Variants in ADAM20 observed in about 807,000 individuals in gnomAD.
ADAM20 encodes the protein ADAM metallopeptidase domain 20, also known as disintegrin and metalloproteinase domain-containing protein 20.
For missense variants in ADAM20, 871 were observed against 883.2 expected (o/e 0.99, Z 0.18); for synonymous variants, 305 against 310.2 (o/e 0.98, Z 0.18).
the ADAM20 span, among the ~76,000 whole-genome samples, chr14:70,541,522 A>T: frequency 5.3e-5 from 8 of 152,196 alleles, no homozygotes; most frequent in Admixed American, 3.3e-4. Flanking sequence ...ATACAGGGTT[A>T]AAAAAAGGTC....
At chr14:70,561,236 A>ACAT in the ADAM20 span, among the ~76,000 whole-genome samples, 1 of 152,228 alleles carries the variant, frequency 6.6e-6, no homozygotes, top group African/African-American at 2.4e-5. Context: ...CTAGAAATCT[A>ACAT]TGTAACTTTG....
rs776821049 is a variant in ADAM20 at position 70,523,924 on chromosome 14, G to A, written c.834C>T (p.Asp278=). 2 of 1,613,974 alleles carry A rather than the reference G, an allele frequency of 1.2e-6. No homozygotes were observed. Among genetic ancestry groups the A allele is most frequent in the South Asian group, 2.2e-5 (2 of 91,078 alleles). The change falls in exon 2 of 2, where the codon GAC becomes GAT. Residue 278 remains aspartate (D), a synonymous_variant. Transcript: ENST00000256389. The part of the protein sequence containing the change: ...TSGDLDNVLE[D]FSIWKNYNLN... ...GGTTATAATTCTTCCAAATAGAAAA[G>A]TCCTCTAAAACATTATCTAGGTCTC...
At chr14:70,532,673 T>C (rs971412747) in intron 1 of ADAM20, among the ~76,000 whole-genome samples, 2 of 152,142 alleles carry the variant, frequency 1.3e-5, no homozygotes, top group African/African-American at 4.8e-5. Context: ...ATAGCTATAC[T>C]TAACTATATT....
chr14:70,539,724 T>G (rs1009865263), upstream of ADAM20, among the ~76,000 whole-genome samples: 34 of 152,254 alleles, frequency 2.2e-4, no homozygotes, highest in Non-Finnish European at 5.0e-4. Context: ...TTGTAAATTC[T>G]TATCTCTGTA....
At chr14:70,564,673 A>G in the ADAM20 span, among the ~76,000 whole-genome samples, 1 of 151,930 alleles carries the variant, frequency 6.6e-6, no homozygotes, top group Non-Finnish European at 1.5e-5. Flanking sequence ...TTGATAGACA[A>G]TTAAATTAAA....
the ADAM20 span, among the ~76,000 whole-genome samples, chr14:70,546,798 AAC>A: frequency 6.6e-6 from 1 of 152,208 alleles, no homozygotes; most frequent in Non-Finnish European, 1.5e-5. Context: ...AAGAAAAAAT[AAC>A]AAAGATCAGA....
the ADAM20 span, among the ~76,000 whole-genome samples, chr14:70,569,987 C>T: frequency 2.7e-5 from 4 of 150,822 alleles, no homozygotes; most frequent in East Asian, 3.9e-4. Context: ...ACCCAAGAAC[C>T]GCAAATACCC....
At chr14:70,526,795 T>TA (rs1323576960) in intron 1 of ADAM20, among the ~76,000 whole-genome samples, 1 of 152,152 alleles carries the variant, frequency 6.6e-6, no homozygotes, top group African/African-American at 2.4e-5. Flanking sequence ...TCTGCATCAG[T>TA]AATTAACTCT....
the ADAM20 span, among the ~76,000 whole-genome samples, chr14:70,555,291 AATG>A: frequency 6.6e-6 from 1 of 152,222 alleles, no homozygotes; most frequent in African/African-American, 2.4e-5. Context: ...AAAGAAATGA[AATG>A]ATAACTGTGT....
At chr14:70,530,802 A>G (rs761205327) in intron 1 of ADAM20, among the ~76,000 whole-genome samples, 1 of 152,180 alleles carries the variant, frequency 6.6e-6, no homozygotes, top group Non-Finnish European at 1.5e-5. Context: ...AAATGAAAAC[A>G]CAGCATACCA....
chr14:70,527,047 G>A (rs367562114), intron 1 of ADAM20, among the ~76,000 whole-genome samples: 32 of 152,258 alleles, frequency 2.1e-4, no homozygotes, highest in African/African-American at 7.7e-4. Context: ...TTCTGTGTCT[G>A]TGTTTGTATC....
chr14:70,565,026 G>C, the ADAM20 span, among the ~76,000 whole-genome samples: 1 of 150,484 alleles, frequency 6.6e-6, no homozygotes. Flanking sequence ...CCAGCTCTGG[G>C]CAACAAACAC....
intron 1 of ADAM20, among the ~76,000 whole-genome samples, chr14:70,527,654 C>G (rs1262649275): frequency 6.6e-6 from 1 of 152,146 alleles, no homozygotes; most frequent in Non-Finnish European, 1.5e-5. Flanking sequence ...GTAAACAAAT[C>G]TCTGTAGATC....
Position 70,523,423 on chromosome 14 carries a change from A to T in ADAM20, c.1335T>A (p.Ala445=). 1 of 1,614,114 alleles carries T rather than the reference A, an allele frequency of 6.2e-7. No individual in the cohort carries two copies. The highest frequency in any genetic ancestry group is 8.5e-7 in the Non-Finnish European group (1 of 1,179,982). The part of the protein sequence containing the change: ...CLLNCTLHPG[A]ACAFGICCKD... Reference sequence around the variant, plus strand: ...TGCAACATATTCCAAAAGCACAAGCAGCCCCAGGATGTAGAGTACAGTTTA... The same window carrying T: ...TGCAACATATTCCAAAAGCACAAGCTGCCCCAGGATGTAGAGTACAGTTTA... Residue 445 remains alanine (A), a synonymous_variant, in exon 2 of 2, where the codon GCT becomes GCA. Transcript: ENST00000256389.
chr14:70,539,438 G>T (rs1016778801), upstream of ADAM20, among the ~76,000 whole-genome samples: 1 of 152,196 alleles, frequency 6.6e-6, no homozygotes, highest in Admixed American at 6.5e-5. Context: ...ATAAATGGAC[G>T]CATGAGGGGC....
At chr14:70,545,173 A>C in the ADAM20 span, among the ~76,000 whole-genome samples, 6 of 152,234 alleles carry the variant, frequency 3.9e-5, no homozygotes, top group Non-Finnish European at 8.8e-5. Flanking sequence ...AAGTTTGACA[A>C]CTATTTACAC....
upstream of ADAM20, among the ~76,000 whole-genome samples, chr14:70,536,908 A>C (rs1438045730): frequency 1.3e-5 from 2 of 151,536 alleles, no homozygotes; most frequent in African/African-American, 4.9e-5. Context: ...TAAAACCAAT[A>C]AAAACTCTTA....
the ADAM20 span, among the ~76,000 whole-genome samples, chr14:70,568,554 T>G: frequency 6.6e-6 from 1 of 152,014 alleles, no homozygotes; most frequent in Non-Finnish European, 1.5e-5. Context: ...TTTGAAATGA[T>G]AAAATATTCA....
the ADAM20 span, chr14:70,547,144 A>G: frequency 2.0e-5 from 3 of 152,276 alleles, no homozygotes. Context: ...AGATTGAACT[A>G]TGAAGATATC....
Sources: gnomAD v4.1 joint callset for allele counts (sites outside exome capture counted in the v4.1 genomes callset) on GRCh38, gnomAD v4.1.1 for gene constraint, MANE v1.5 for transcripts, NCBI Gene and HGNC (gene_info 2026-07-23, HGNC 2026-07-21) for gene names.